The following LCLAT1 variants were observed in gnomAD, a reference collection of about 807,000 sequenced individuals.
LCLAT1 encodes lysocardiolipin acyltransferase 1.
A neutral mutation model predicts 30.7 loss-of-function variants in LCLAT1; 11 were observed. The ratio of observed to expected loss-of-function variants is 0.36; its 90% CI spans 0.23 to 0.59. LCLAT1 has a LOEUF of 0.59. Ranked by LOEUF, LCLAT1 falls within the 20% of genes least tolerant of loss-of-function variation. The pLI is 0.77. For missense variants in LCLAT1, 402 were observed against 458.6 expected (o/e 0.88, Z 1.13); for synonymous variants, 155 against 151.3 (o/e 1.02, Z -0.18).
At chr2:30,570,976 G>C (rs1478706624) in intron 5 of LCLAT1, among the ~76,000 whole-genome samples, 1 of 152,152 alleles carries the variant, frequency 6.6e-6, no homozygotes, top group Admixed American at 6.5e-5. Flanking sequence ...GTTCCTTTTA[G>C]AATGGGAATC....
At chr2:30,581,513 A>C (rs774083495) in intron 5 of LCLAT1, among the ~76,000 whole-genome samples, 14 of 152,250 alleles carry the variant, frequency 9.2e-5, no homozygotes, top group Admixed American at 4.6e-4. Flanking sequence ...CTAAGTGTTC[A>C]TAATCAGATG....
intron 3 of LCLAT1, among the ~76,000 whole-genome samples, chr2:30,553,196 A>G (rs992094345): frequency 6.6e-6 from 1 of 152,212 alleles, no homozygotes; most frequent in East Asian, 1.9e-4. Flanking sequence ...TTTTATTAAG[A>G]ATGCATAATG....
At chr2:30,482,650 A>G (rs946096890) in intron 1 of LCLAT1, among the ~76,000 whole-genome samples, 5 of 152,094 alleles carry the variant, frequency 3.3e-5, no homozygotes, top group Non-Finnish European at 5.9e-5. Context: ...TGTAGGATCT[A>G]CTTTCCAAAT....
chr2:30,583,535 C>T (rs1347036110), intron 5 of LCLAT1, among the ~76,000 whole-genome samples: 1 of 152,092 alleles, frequency 6.6e-6, no homozygotes, highest in African/African-American at 2.4e-5. Context: ...TTCTGTCTGG[C>T]AAGATAATGC....
chr2:30,529,020 C>G (rs1055440688), intron 2 of LCLAT1, among the ~76,000 whole-genome samples: 1 of 152,030 alleles, frequency 6.6e-6, no homozygotes, highest in Admixed American at 6.5e-5. Flanking sequence ...AGTTTTTAAG[C>G]AATAATAAAA....
intron 5 of LCLAT1, among the ~76,000 whole-genome samples, chr2:30,583,809 A>G (rs981248766): frequency 9.9e-5 from 15 of 152,140 alleles, no homozygotes; most frequent in African/African-American, 3.6e-4. Flanking sequence ...GTGTTTGTGT[A>G]GCCACTCAGG....
At chr2:30,638,938 G>C (rs1669167290) in intron 5 of LCLAT1, among the ~76,000 whole-genome samples, 3 of 151,798 alleles carry the variant, frequency 2.0e-5, no homozygotes, top group Non-Finnish European at 4.4e-5. Context: ...CTGTATTGTA[G>C]TAGCCATCAA....
At chr2:30,501,330 T>G (rs1019011194) in intron 1 of LCLAT1, among the ~76,000 whole-genome samples, 2 of 152,154 alleles carry the variant, frequency 1.3e-5, no homozygotes, top group Non-Finnish European at 2.9e-5. Context: ...TCTGTTTTAT[T>G]TGACAAAATG....
At chr2:30,616,466 AG>A (rs1667996305) in intron 5 of LCLAT1, among the ~76,000 whole-genome samples, 1 of 152,162 alleles carries the variant, frequency 6.6e-6, no homozygotes, top group African/African-American at 2.4e-5. Context: ...AATAAATTAG[AG>A]CTATATGCTT....
chr2:30,453,108 T>G (rs1681642149), intron 1 of LCLAT1, among the ~76,000 whole-genome samples: 2 of 152,146 alleles, frequency 1.3e-5, no homozygotes, highest in African/African-American at 2.4e-5. Flanking sequence ...GTTTTTCCTC[T>G]CAAATAAGAG....
At chr2:30,464,876 T>C (rs1682342670) in intron 1 of LCLAT1, among the ~76,000 whole-genome samples, 2 of 152,146 alleles carry the variant, frequency 1.3e-5, no homozygotes, top group African/African-American at 4.8e-5. Flanking sequence ...TTTAAATTTT[T>C]ATTTACTTTT....
chr2:30,615,297 A>G (rs1340897776), intron 5 of LCLAT1, among the ~76,000 whole-genome samples: 17 of 152,134 alleles, frequency 1.1e-4, no homozygotes, highest in Admixed American at 1.1e-3. Context: ...CTCCTTATGA[A>G]AAAAAGAAGG....
At chr2:30,531,302 GA>G (rs1685972847) in intron 2 of LCLAT1, among the ~76,000 whole-genome samples, 1 of 152,016 alleles carries the variant, frequency 6.6e-6, no homozygotes, top group South Asian at 2.1e-4. Flanking sequence ...TTTTGCTGTG[GA>G]TCCACACCTG....
chr2:30,533,879 G>A (rs1211599519), intron 3 of LCLAT1, among the ~76,000 whole-genome samples: 1 of 152,150 alleles, frequency 6.6e-6, no homozygotes, highest in Non-Finnish European at 1.5e-5. Flanking sequence ...GTGTGTTGGA[G>A]AAGTAGGGAT....
At chr2:30,615,385 T>C (rs1030608279) in intron 5 of LCLAT1, among the ~76,000 whole-genome samples, 1 of 152,168 alleles carries the variant, frequency 6.6e-6, no homozygotes, top group Admixed American at 6.5e-5. Flanking sequence ...TGATTGATTT[T>C]CTCAGTGAAA....
intron 4 of LCLAT1, among the ~76,000 whole-genome samples, chr2:30,564,908 A>G (rs905879337): frequency 2.0e-5 from 3 of 152,208 alleles, no homozygotes; most frequent in African/African-American, 7.2e-5. Flanking sequence ...AATGGAAGCA[A>G]TATATGTTAA....
chr2:30,535,158 C>G lies in LCLAT1; in HGVS notation c.364+1844C>G, dbSNP rs566245108. Among the ~76,000 whole-genome samples the G allele has an allele frequency of 3.3e-5, 5 of 151,904 alleles. No individual in the cohort carries two copies. The East Asian group carries it at 9.7e-4, about 29-fold the overall frequency. ...ATGGCAGCTGTGTATTTTTCTTCAC[C>G]CTAATTTAAAAAAAGTTATGAAATC... On this transcript the variant is annotated intron_variant, in intron 3 of 5. Coordinates refer to ENST00000379509, the MANE Select transcript of LCLAT1 (RefSeq NM_001002257.3).
At chr2:30,483,587 C>A (rs1683420003) in intron 1 of LCLAT1, among the ~76,000 whole-genome samples, 1 of 151,886 alleles carries the variant, frequency 6.6e-6, no homozygotes, top group African/African-American at 2.4e-5. Flanking sequence ...AGTGAATGCT[C>A]AACAAATGCT....
intron 5 of LCLAT1, among the ~76,000 whole-genome samples, chr2:30,599,318 T>C (rs1263252111): frequency 1.3e-5 from 2 of 152,188 alleles, no homozygotes; most frequent in Non-Finnish European, 2.9e-5. Flanking sequence ...ATTAATTTGA[T>C]TGTGCTGTGG....
Sources: allele counts gnomAD v4.1 joint callset (sites outside exome capture counted in the v4.1 genomes callset), GRCh38; gene constraint gnomAD v4.1.1; transcripts MANE v1.5; gene names NCBI Gene and HGNC (gene_info 2026-07-23, HGNC 2026-07-21).